The following CPLANE1 variants were observed in gnomAD, a reference collection of about 807,000 sequenced individuals.
CPLANE1 encodes ciliogenesis and planar polarity effector complex subunit 1, also known as ciliogenesis and planar polarity effector 1.
A neutral mutation model predicts 362.5 loss-of-function variants in CPLANE1; 263 were observed. The ratio of observed to expected loss-of-function variants is 0.73; its 90% CI spans 0.66 to 0.80. CPLANE1 has a LOEUF of 0.80. Among genes scored for constraint, CPLANE1 ranks in the 30% least tolerant of loss-of-function variants. CPLANE1 has a pLI of 0.00. For synonymous variants in CPLANE1, 1,212 were observed against 1,302.6 expected (o/e 0.93, Z 1.50); for missense variants, 3,461 against 3,793.4 (o/e 0.91, Z 2.30).
chr5:37,119,214 C>T (rs1453887089), intron 50 of CPLANE1, among the ~76,000 whole-genome samples: 1 of 152,176 alleles, frequency 6.6e-6, no homozygotes, highest in African/African-American at 2.4e-5. Flanking sequence ...GACATTATTT[C>T]AATCTGAGCT....
chr5:37,131,755 C>A (rs1191299163), intron 46 of CPLANE1, among the ~76,000 whole-genome samples: 1 of 152,114 alleles, frequency 6.6e-6, no homozygotes, highest in Non-Finnish European at 1.5e-5. Context: ...TGGTCTCGAA[C>A]TCCTGACCTC....
At chr5:37,082,850 G>C in the CPLANE1 span, among the ~76,000 whole-genome samples, 1 of 151,972 alleles carries the variant, frequency 6.6e-6, no homozygotes, top group East Asian at 1.9e-4. Context: ...AAGAAACAAA[G>C]GGTGGAGTTG....
intron 25 of CPLANE1, 89 bp from the exon 26 acceptor site, chr5:37,183,788 T>C (rs1352241497): frequency 1.1e-6 from 1 of 892,616 alleles, no homozygotes. Context: ...TTCTCTCCAA[T>C]GATTAAGTCA....
chr5:37,201,840 A>AATAC, intron 18 of CPLANE1, 32 bp from the exon 19 acceptor site: 1 of 1,470,664 alleles, frequency 6.8e-7, no homozygotes, highest in Non-Finnish European at 9.4e-7. Flanking sequence ...TAAAATAGTT[A>AATAC]AAGCTTGTAT....
chr5:37,163,449 G>C (rs1209804772), intron 37 of CPLANE1, among the ~76,000 whole-genome samples: 1 of 152,160 alleles, frequency 6.6e-6, no homozygotes, highest in Non-Finnish European at 1.5e-5. Context: ...TTCTACACAA[G>C]TGGAAAAACT....
At chr5:37,224,478 T>C (rs1039890772) in intron 13 of CPLANE1, 54 bp downstream of exon 13, 7 of 1,358,670 alleles carry the variant, frequency 5.2e-6, no homozygotes, top group Middle Eastern at 1.9e-4. Context: ...ATTCAAAGTC[T>C]GGTTAACTAT....
chr5:37,170,129 C>T lies in CPLANE1; in HGVS notation c.6374G>A (p.Gly2125Glu), dbSNP rs1359391591. Reference sequence around the variant, plus strand: ...CTTGCGAGGCTCTCTGGCGTTCTCTCCCATTGACTGTGGTTTAATAAAAAA... The same window carrying T: ...CTTGCGAGGCTCTCTGGCGTTCTCTTCCATTGACTGTGGTTTAATAAAAAA... ...ERFFIKPQSM[G>E]ENAREPRKNS... The change falls in exon 33 of 53, where the codon GGA becomes GAA. Residue 2125 changes from glycine (G) to glutamate (E), a missense_variant. Physicochemically the swap from Gly to Glu is moderately conservative, Grantham distance 98. Around this residue, in one of 2 missense-constraint regions of CPLANE1, gnomAD observed 3,380 missense variants for 3,666.1 expected, o/e 0.92. Coordinates refer to ENST00000651892, the MANE Select transcript of CPLANE1 (RefSeq NM_001384732.1). 2 of 1,614,180 alleles carry T rather than the reference C, an allele frequency of 1.2e-6. No homozygotes were observed. The highest frequency in any genetic ancestry group is 1.7e-6 in the Non-Finnish European group (2 of 1,180,028).
intron 50 of CPLANE1, among the ~76,000 whole-genome samples, chr5:37,116,843 CT>C (rs1761164795): frequency 1.3e-5 from 2 of 152,180 alleles, no homozygotes; most frequent in Admixed American, 1.3e-4. Flanking sequence ...TTCAGGTTAT[CT>C]GTATCACTGA....
intron 52 of CPLANE1, 77 bp from the exon 53 acceptor site, chr5:37,107,855 G>A (rs986104298): frequency 3.9e-5 from 57 of 1,453,134 alleles, no homozygotes; most frequent in South Asian, 6.0e-5. Context: ...AACCTGGAAC[G>A]TGAACTAAGC....
Position 37,125,294 on chromosome 5 carries a change from C to T in CPLANE1, c.8908G>A (p.Ala2970Thr), listed in dbSNP as rs369585190. ...ERMAKYLNEL[A>T]EKRGQEHDPF... is the part of the protein sequence containing the mutation. Reference sequence around the variant, plus strand: ...TCATGTTCTTGCCCTCTCTTTTCTGCCAGCTCATTTAAGTACTTTGCCATT... The same window carrying T: ...TCATGTTCTTGCCCTCTCTTTTCTGTCAGCTCATTTAAGTACTTTGCCATT... Residue 2970 changes from alanine to threonine, a missense_variant, in exon 47 of 53, where the codon GCA (alanine) becomes ACA (threonine). This residue lies in a region of CPLANE1 where 3,380 missense variants were observed against 3,666.1 expected (regional missense o/e 0.92). Coordinates refer to ENST00000651892, the MANE Select transcript of CPLANE1 (RefSeq NM_001384732.1). 1.2e-4 allele frequency: 194 copies of T among 1,613,986 alleles called. 2 individuals are homozygous for T. In the East Asian group the frequency reaches 3.0e-3, roughly 25 times the overall value.
At chr5:37,085,295 C>G in the CPLANE1 span, 1 of 1,023,708 alleles carries the variant, frequency 9.8e-7, no homozygotes, top group Admixed American at 1.7e-5. Flanking sequence ...CTGATATAAC[C>G]TACCCTGCTG....
intron 14 of CPLANE1, among the ~76,000 whole-genome samples, chr5:37,223,014 A>G (rs1795689654): frequency 1.3e-5 from 2 of 152,218 alleles, no homozygotes. Flanking sequence ...CACTGTCTTC[A>G]AGATAAAATC....
chr5:37,135,589 C>T (rs1767449693), intron 46 of CPLANE1, among the ~76,000 whole-genome samples: 1 of 152,010 alleles, frequency 6.6e-6, no homozygotes, highest in South Asian at 2.1e-4. Context: ...AATCCCAGCA[C>T]TTTGGGAAGT....
intron 21 of CPLANE1, among the ~76,000 whole-genome samples, chr5:37,191,358 C>T (rs1255994665): frequency 6.6e-6 from 1 of 151,800 alleles, no homozygotes; most frequent in Non-Finnish European, 1.5e-5. Context: ...ATAGTAAGAC[C>T]ATGTCTCTAT....
At chr5:37,150,166 T>G (rs901670607) in intron 42 of CPLANE1, among the ~76,000 whole-genome samples, 1 of 152,174 alleles carries the variant, frequency 6.6e-6, no homozygotes, top group African/African-American at 2.4e-5. Flanking sequence ...TCCAAATGCT[T>G]AATGGACTCA....
rs765038993 is a variant in CPLANE1 at position 37,232,839 on chromosome 5, CAA to C, written c.939-1792_939-1791del. Among the ~76,000 whole-genome samples the C allele has an allele frequency of 9.0e-3, 556 of 62,020 alleles. 5 individuals are homozygous for C. Among genetic ancestry groups the C allele is most frequent in the South Asian group, 0.028 (46 of 1,660 alleles). 40.7% of individuals were successfully genotyped at this position (62,020 alleles called of 152,430 possible). A position where few individuals can be genotyped will look rare whatever the true frequency, so the allele number is the denominator to read the frequency against. ...CAGGTAACAGAACAAGACCTTGTTGCAAAAAAAAAAAAAAAAAAAAAAAGAAA... is the reference window on the plus strand; with the variant it reads ...CAGGTAACAGAACAAGACCTTGTTGCAAAAAAAAAAAAAAAAAAAAAGAAA... On this transcript the variant is annotated intron_variant, in intron 8 of 52. Transcript: ENST00000651892.
rs973974455 is a variant in CPLANE1, at chr5:37,121,599, T to C, written c.9185+18A>G. 11 of 1,612,388 alleles carry C rather than the reference T, an allele frequency of 6.8e-6. No homozygotes were observed. The highest frequency in any genetic ancestry group is 9.3e-6 in the Non-Finnish European group (11 of 1,178,660). ...CCTGACGTTATCTTGCCAAATGGCA[T>C]GTGAAACCTTGTCTTACCCTCTTGG... is the stretch of plus-strand genomic sequence containing the variant. On this transcript the variant is annotated intron_variant, in intron 49 of 52. Coordinates refer to ENST00000651892, the MANE Select transcript of CPLANE1 (RefSeq NM_001384732.1).
At chr5:37,101,636 G>A (rs301910), downstream of CPLANE1, among the ~76,000 whole-genome samples, 22,407 of 151,902 alleles carry the variant, frequency 0.15, 1,953 homozygotes, top group African/African-American at 0.23. Context: ...GGGAGGAGTC[G>A]CTCCTTTTCA....
At position 37,208,863 on chromosome 5, in the gene CPLANE1, G is replaced by C. The variant is rs183644976; in HGVS notation, c.2921-2438C>G. Among the ~76,000 whole-genome samples the C allele has an allele frequency of 4.0e-3, 599 of 151,112 alleles. 2 individuals carry two copies. The highest frequency in any genetic ancestry group is 0.013 in the African/African-American group (546 of 40,912). On this transcript the variant is annotated intron_variant, in intron 16 of 52. Coordinates refer to ENST00000651892, the MANE Select transcript of CPLANE1 (RefSeq NM_001384732.1). The stretch of plus-strand genomic sequence containing the variant: ...TTTAAATTTCTGTCTCAACATATTA[G>C]ACGTAAACCCCGTAAAAGAACAAGT...
Sources: gnomAD v4.1 joint callset for allele counts (sites outside exome capture counted in the v4.1 genomes callset) on GRCh38, gnomAD v4.1.1 for gene constraint, gnomAD v4.1.1 regional missense constraint, MANE v1.5 for transcripts, NCBI Gene and HGNC (gene_info 2026-07-23, HGNC 2026-07-21) for gene names.